CPLANE1: variants seen among roughly 807,000 people sequenced by gnomAD.
CPLANE1 encodes ciliogenesis and planar polarity effector 1.
In CPLANE1, 263 loss-of-function variants were observed where a neutral mutation model predicts 362.5. The ratio of observed to expected loss-of-function variants is 0.73; its 90% CI spans 0.66 to 0.80. The LOEUF (loss-of-function observed/expected upper bound fraction) is 0.80. CPLANE1 is among the 30% of genes least tolerant of loss of function. CPLANE1 has a pLI of 0.00. For missense variants in CPLANE1, 3,461 were observed against 3,793.4 expected (o/e 0.91, Z 2.30); for synonymous variants, 1,212 against 1,302.6 (o/e 0.93, Z 1.50).
Position 37,221,313 on chromosome 5 carries a change from A to G in CPLANE1, c.2746+11T>C. On this transcript the variant is annotated intron_variant, in intron 15 of 52. Transcript: ENST00000651892. ...TTTTAAAAATACAAAGAAAGAAAAA[A>G]AAAAGCATACCTGAAAAATCTTTAT... 1 of 1,484,742 alleles carries G rather than the reference A, an allele frequency of 6.7e-7. No individual in the cohort carries two copies. The highest frequency in any genetic ancestry group is 2.5e-5 in the East Asian group (1 of 39,664). The allele number at this position is 1,484,742 out of a possible 1,614,324, so 92.0% of individuals were successfully genotyped here.
intron 47 of CPLANE1, 54 bp downstream of exon 47, chr5:37,125,190 G>T (rs1258626583): frequency 2.0e-6 from 3 of 1,516,698 alleles, no homozygotes; most frequent in Non-Finnish European, 2.7e-6. Context: ...ATTTTGCCAG[G>T]AAAGTAATTA....
intron 15 of CPLANE1, among the ~76,000 whole-genome samples, chr5:37,214,470 C>A (rs1793489350): frequency 6.6e-6 from 1 of 151,970 alleles, no homozygotes; most frequent in South Asian, 2.1e-4. Flanking sequence ...GCTAGATAGA[C>A]CCTGACTCAA....
chr5:37,244,658 C>T (rs1738891807), intron 4 of CPLANE1, 51 bp from the exon 5 acceptor site: 3 of 989,908 alleles, frequency 3.0e-6, no homozygotes, highest in Non-Finnish European at 4.5e-6. Context: ...TGAATTCCCC[C>T]CAATAAAGTA....
At chr5:37,128,643 G>A (rs1764909856) in intron 46 of CPLANE1, among the ~76,000 whole-genome samples, 2 of 152,118 alleles carry the variant, frequency 1.3e-5, no homozygotes, top group Non-Finnish European at 2.9e-5. Flanking sequence ...TGGATCACCT[G>A]AGGTCAGGAG....
At chr5:37,178,925 C>G (rs979812706) in intron 29 of CPLANE1, among the ~76,000 whole-genome samples, 4 of 152,084 alleles carry the variant, frequency 2.6e-5, no homozygotes, top group Non-Finnish European at 5.9e-5. Flanking sequence ...CCATGCCTGG[C>G]TATTTTTTAA....
intron 16 of CPLANE1, among the ~76,000 whole-genome samples, chr5:37,213,029 T>C (rs1793065964): frequency 6.6e-6 from 1 of 152,124 alleles, no homozygotes; most frequent in Non-Finnish European, 1.5e-5. Context: ...ACTAACGTGG[T>C]GAAACCCTGT....
At chr5:37,114,518 CTTCTT>C (rs1760326331) in intron 51 of CPLANE1, among the ~76,000 whole-genome samples, 1 of 152,220 alleles carries the variant, frequency 6.6e-6, no homozygotes, top group African/African-American at 2.4e-5. Flanking sequence ...TACTCCAAAA[CTTCTT>C]CTCTGAACCA....
At chr5:37,172,933 G>A (rs997280126) in intron 32 of CPLANE1, among the ~76,000 whole-genome samples, 1 of 152,154 alleles carries the variant, frequency 6.6e-6, no homozygotes. Context: ...GCAGTGAGCC[G>A]AGATCGCGCC....
intron 21 of CPLANE1, among the ~76,000 whole-genome samples, chr5:37,191,056 A>G (rs185269496): frequency 1.3e-5 from 2 of 152,318 alleles, no homozygotes; most frequent in East Asian, 3.9e-4. Context: ...TTATAAGAGA[A>G]GACATCTCCA....
At chr5:37,151,511 T>C (rs150351135) in intron 42 of CPLANE1, among the ~76,000 whole-genome samples, 26 of 152,358 alleles carry the variant, frequency 1.7e-4, no homozygotes, top group African/African-American at 5.8e-4. Context: ...CAGGGCCTAA[T>C]AGGCAGTAGT....
intron 21 of CPLANE1, among the ~76,000 whole-genome samples, chr5:37,193,153 T>C (rs1245203782): frequency 6.8e-6 from 1 of 148,102 alleles, no homozygotes; most frequent in Non-Finnish European, 1.5e-5. Flanking sequence ...TGGGCGACAG[T>C]GCAAGACTCC....
At position 37,108,143 on chromosome 5, in the gene CPLANE1, C is replaced by T. The variant is rs550260258; in HGVS notation, c.9579+150G>A. The stretch of plus-strand genomic sequence containing the variant: ...AAGTACTAAGCCAAAAGGGAAGATG[C>T]TTTGCATCACGATTTCAAACTGACC... On this transcript the variant is annotated intron_variant, in intron 52 of 52. Coordinates refer to ENST00000651892, the MANE Select transcript of CPLANE1 (RefSeq NM_001384732.1). 22 of 724,332 alleles carry T rather than the reference C, an allele frequency of 3.0e-5. No individual in the cohort carries two copies. The East Asian group carries it at 5.1e-4, about 17-fold the overall frequency. The allele number at this position is 724,332 out of a possible 1,614,324, so 44.9% of individuals were successfully genotyped here.
rs1438103685 is a variant in CPLANE1, at chr5:37,170,284, G to A, written c.6219C>T (p.Ser2073=). ...GTTGTGTATCTGGGAGATTAGCAAA[G>A]GATGATCCTACTATTTGCATTAGGC... ...FMSLMQIVGS[S]FANLPDTQQL... Residue 2073 remains serine (S), a synonymous_variant, in exon 33 of 53, where the codon TCC becomes TCT. Coordinates refer to ENST00000651892, the MANE Select transcript of CPLANE1 (RefSeq NM_001384732.1). 3 of 1,614,142 alleles carry A rather than the reference G, an allele frequency of 1.9e-6. No individual in the cohort carries two copies. The highest frequency in any genetic ancestry group is 2.5e-6 in the Non-Finnish European group (3 of 1,180,006).
At position 37,226,819 on chromosome 5, in the gene CPLANE1, AT is replaced by A. The variant is rs1461995065; in HGVS notation, c.1775del (p.Asn592IlefsTer2). ...IGISKTVTEK[N>X]LMLNYIVVCI... ...AAACTACTATGTAATTTAACATTAA[AT>A]TTTTTTCTGTCACAGTTTTTGAAAT... On this transcript the variant is annotated frameshift_variant, in exon 12 of 53. Transcript: ENST00000651892. The A allele has an allele frequency of 1.9e-6, 3 of 1,549,944 alleles. No homozygotes were observed. Among genetic ancestry groups the A allele is most frequent in the East Asian group, 2.4e-5 (1 of 40,866 alleles).
chr5:37,202,469 T>G, intron 18 of CPLANE1, among the ~76,000 whole-genome samples: 1 of 152,180 alleles, frequency 6.6e-6, no homozygotes, highest in Non-Finnish European at 1.5e-5. Context: ...CTTTTCTTAA[T>G]AGTACATGAT....
chr5:37,190,898 TTGA>T (rs1258116206), intron 21 of CPLANE1, among the ~76,000 whole-genome samples: 1 of 152,242 alleles, frequency 6.6e-6, no homozygotes, highest in Non-Finnish European at 1.5e-5. Flanking sequence ...TACATAATAC[TTGA>T]TAATAATAAA....
At chr5:37,145,442 C>T (rs762747162) in intron 43 of CPLANE1, among the ~76,000 whole-genome samples, 9 of 152,118 alleles carry the variant, frequency 5.9e-5, no homozygotes, top group South Asian at 2.1e-4. Flanking sequence ...TTTTAAGAGA[C>T]GGTGTCTCAC....
intron 26 of CPLANE1, 85 bp downstream of exon 26, chr5:37,182,675 T>G (rs893400197): frequency 4.7e-6 from 4 of 842,390 alleles, no homozygotes; most frequent in Non-Finnish European, 5.4e-6. Context: ...ATTTAATGAT[T>G]CTTTAAAAGA....
At chr5:37,111,456 A>T (rs1318297322) in intron 51 of CPLANE1, among the ~76,000 whole-genome samples, 1 of 152,162 alleles carries the variant, frequency 6.6e-6, no homozygotes, top group Non-Finnish European at 1.5e-5. Flanking sequence ...GAAGAATAAT[A>T]CTTAGAGGGC....
Sources: gnomAD v4.1 joint callset for allele counts (sites outside exome capture counted in the v4.1 genomes callset) on GRCh38, gnomAD v4.1.1 for gene constraint, MANE v1.5 for transcripts, NCBI Gene and HGNC (gene_info 2026-07-23, HGNC 2026-07-21) for gene names.